Variants in ATG7 observed in about 807,000 individuals in gnomAD.
The protein encoded by ATG7 is autophagy related 7, also known as ubiquitin-like modifier-activating enzyme ATG7.
A neutral mutation model predicts 82.4 loss-of-function variants in ATG7; 70 were observed. The ratio of observed to expected loss-of-function variants is 0.85; its 90% CI spans 0.70 to 1.04. ATG7 has a LOEUF of 1.04. ATG7 is among the 50% of genes least tolerant of loss of function. The pLI is 0.00. For synonymous variants in ATG7, 287 were observed against 313.0 expected (o/e 0.92, Z 0.88); for missense variants, 792 against 864.3 (o/e 0.92, Z 1.05).
At chr3:11,482,148 G>A (rs1039120664) in intron 20 of ATG7, among the ~76,000 whole-genome samples, 2 of 152,150 alleles carry the variant, frequency 1.3e-5, no homozygotes, top group Non-Finnish European at 2.9e-5. Flanking sequence ...GCTCTGTCCC[G>A]CTTCCTTCCA....
chr3:11,462,467 G>A (rs2086403770), intron 20 of ATG7, among the ~76,000 whole-genome samples: 1 of 152,164 alleles, frequency 6.6e-6, no homozygotes, highest in African/African-American at 2.4e-5. Flanking sequence ...GTAAAGCCAT[G>A]ATGGGGGTTT....
chr3:11,491,380 T>C (rs1022019026), intron 20 of ATG7, among the ~76,000 whole-genome samples: 30 of 152,188 alleles, frequency 2.0e-4, no homozygotes, highest in Non-Finnish European at 3.7e-4. Context: ...CGTCTAAATT[T>C]TTTTCAAAGT....
rs1222112266 is a variant in ATG7 at position 11,347,923 on chromosome 3, C to G, written c.1172C>G (p.Ser391Cys). Residue 391 changes from serine (S) to cysteine (C), a missense_variant, in exon 14 of 21, where the codon TCC becomes TGC. Ser to Cys is a moderately radical substitution (Grantham distance 112). Transcript: ENST00000693202. ...HITFVDNAKI[S>C]YSNPVRQPLY... The stretch of plus-strand genomic sequence containing the variant: ...ACATTTGTGGACAATGCCAAGATCT[C>G]CTACTCCAATCCTGTGAGGCAGCCT... 1 of 1,614,170 alleles carries G rather than the reference C, an allele frequency of 6.2e-7. No individual in the cohort carries two copies.
rs141998233 is a variant in ATG7, at chr3:11,517,209, C to T, written c.2080-37602C>T. ...GGCAAAAATTAGTTGGGGATGGTAGCGCATGCCTGTAATCCCAGCTACTGG... is the reference window on the plus strand; with the variant it reads ...GGCAAAAATTAGTTGGGGATGGTAGTGCATGCCTGTAATCCCAGCTACTGG... On this transcript the variant is annotated intron_variant, in intron 20 of 20. Transcript: ENST00000693202. 4.9e-3 allele frequency among the ~76,000 whole-genome samples: 738 copies of T among 151,938 alleles called. 1 individual carries two copies. Among genetic ancestry groups the T allele is most frequent in the Middle Eastern group, 0.01 (3 of 294 alleles).
chr3:11,479,501 C>T (rs1157378953), intron 20 of ATG7, among the ~76,000 whole-genome samples: 2 of 152,148 alleles, frequency 1.3e-5, no homozygotes, highest in Non-Finnish European at 2.9e-5. Context: ...ATTGACCGAT[C>T]CCCTCTCTTG....
At chr3:11,395,679 G>A (rs556976343) in intron 19 of ATG7, among the ~76,000 whole-genome samples, 154 of 152,270 alleles carry the variant, frequency 1.0e-3, no homozygotes, top group African/African-American at 2.7e-3. Context: ...AGTGGCTCAC[G>A]CCTGTAATCC....
At chr3:11,527,016 A>AGTATATATAGTGT (rs2124952588) in intron 20 of ATG7, among the ~76,000 whole-genome samples, 1 of 149,076 alleles carries the variant, frequency 6.7e-6, no homozygotes, top group South Asian at 2.1e-4. Context: ...CTATATATAT[A>AGTATATATAGTGT]GTATATATAT....
chr3:11,542,671 C>T (rs2070929174), intron 20 of ATG7, among the ~76,000 whole-genome samples: 1 of 152,194 alleles, frequency 6.6e-6, no homozygotes, highest in African/African-American at 2.4e-5. Context: ...CTGCTCTCAA[C>T]CACCCTCTGC....
the ATG7 span, among the ~76,000 whole-genome samples, chr3:11,573,296 AAAGAAAGAAAGGAAGGAAGG>A: frequency 4.2e-3 from 48 of 11,354 alleles, 7 homozygotes; most frequent in East Asian, 0.029. Context: ...AGAAAGAAAG[AAAGAAAGAAAGGAAGGAAGG>A]AAGAAAGAAA....
At chr3:11,543,775 G>A (rs759416897) in intron 20 of ATG7, among the ~76,000 whole-genome samples, 1 of 152,216 alleles carries the variant, frequency 6.6e-6, no homozygotes, top group Non-Finnish European at 1.5e-5. Flanking sequence ...GGTGGCGCAC[G>A]CCTGTTATCC....
chr3:11,533,155 G>A (rs956096752), intron 20 of ATG7, among the ~76,000 whole-genome samples: 3 of 152,154 alleles, frequency 2.0e-5, no homozygotes, highest in African/African-American at 4.8e-5. Context: ...AATAATGCCC[G>A]GGGCTTGGGA....
intron 9 of ATG7, among the ~76,000 whole-genome samples, chr3:11,327,021 C>T (rs1265131754): frequency 6.6e-6 from 1 of 152,170 alleles, no homozygotes; most frequent in Non-Finnish European, 1.5e-5. Flanking sequence ...GTCAGTCAGG[C>T]ATCACTTTTC....
At chr3:11,376,866 G>GT (rs1480480357) in intron 18 of ATG7, among the ~76,000 whole-genome samples, 1 of 152,164 alleles carries the variant, frequency 6.6e-6, no homozygotes, top group Non-Finnish European at 1.5e-5. Flanking sequence ...AGCCTCCCGA[G>GT]TAGCTGGGAC....
At chr3:11,517,866 C>T (rs568644879) in intron 20 of ATG7, among the ~76,000 whole-genome samples, 6 of 152,284 alleles carry the variant, frequency 3.9e-5, no homozygotes, top group East Asian at 1.9e-4. Flanking sequence ...CACCACATGC[C>T]GTGGGGAGAA....
chr3:11,443,988 C>G (rs1559636971), intron 20 of ATG7, among the ~76,000 whole-genome samples: 1 of 152,152 alleles, frequency 6.6e-6, no homozygotes, highest in Non-Finnish European at 1.5e-5. Context: ...AAACAGTAAA[C>G]TTTTCCTGTA....
chr3:11,559,671 T>C (rs1036189819), downstream of ATG7, among the ~76,000 whole-genome samples: 1 of 152,228 alleles, frequency 6.6e-6, no homozygotes, highest in African/African-American at 2.4e-5. Flanking sequence ...TGGTCGTGGC[T>C]GTTTGGATCA....
chr3:11,481,348 A>C (rs1428922383), intron 20 of ATG7, among the ~76,000 whole-genome samples: 1 of 152,204 alleles, frequency 6.6e-6, no homozygotes, highest in Non-Finnish European at 1.5e-5. Context: ...ATGATAAAAA[A>C]ATTTAGGGTT....
At chr3:11,516,810 C>T (rs2092295655) in intron 20 of ATG7, among the ~76,000 whole-genome samples, 1 of 152,170 alleles carries the variant, frequency 6.6e-6, no homozygotes, top group East Asian at 1.9e-4. Flanking sequence ...AGGCTTGGCG[C>T]AGTGGCTCAC....
intron 13 of ATG7, among the ~76,000 whole-genome samples, chr3:11,347,132 A>G (rs530710850): frequency 6.6e-6 from 1 of 152,356 alleles, no homozygotes; most frequent in Admixed American, 6.5e-5. Flanking sequence ...TGGAGAGCTC[A>G]TTCATTCCCA....
Sources: gnomAD v4.1 joint callset for allele counts (sites outside exome capture counted in the v4.1 genomes callset) on GRCh38, gnomAD v4.1.1 for gene constraint, MANE v1.5 for transcripts, NCBI Gene and HGNC (gene_info 2026-07-23, HGNC 2026-07-21) for gene names.